The following TLR4 variants were observed in gnomAD, a reference collection of about 807,000 sequenced individuals.
TLR4 encodes the protein toll-like receptor 4.
Under a neutral mutation model 27.4 loss-of-function variants are expected in TLR4, and 17 were observed. That is an observed-to-expected ratio of 0.62 (90% CI 0.42 to 0.93). The LOEUF (loss-of-function observed/expected upper bound fraction) is 0.93. Ranked by LOEUF, TLR4 falls within the 40% of genes least tolerant of loss-of-function variation. The pLI, the probability that TLR4 is intolerant of heterozygous loss-of-function variation, is 0.00. For missense variants in TLR4, 926 were observed against 962.3 expected, an observed-to-expected ratio of 0.96 and a Z score of 0.50; for synonymous variants, 363 against 365.7, an observed-to-expected ratio of 0.99 and a Z score of 0.08.
At position 117,714,580 on chromosome 9, in the gene TLR4, G is replaced by A; in HGVS notation, c.2452G>A (p.Gly818Ser). ...WRRLRKALLD[G>S]KSWNPEGTVG... ...ACGACTCAGAAAAGCCCTGCTGGAT[G>A]GTAAATCATGGAATCCAGAAGGAAC... The change falls in exon 3 of 3, where the codon GGT becomes AGT. Residue 818 changes from glycine to serine, a missense_variant. Physicochemically the swap from Gly to Ser is moderately conservative, Grantham distance 56 (BLOSUM62 0). Transcript: ENST00000355622. The A allele has an allele frequency of 6.2e-7, 1 of 1,613,758 alleles. No homozygotes were observed. Among genetic ancestry groups the A allele is most frequent in the Non-Finnish European group, 8.5e-7 (1 of 1,179,974 alleles).
At position 117,723,031 on chromosome 9, in the gene TLR4, T is replaced by A. The variant is rs990664809; in HGVS notation, c.*8383T>A. 6.6e-6 allele frequency: 1 copy of A among 152,190 alleles called. No individual in the cohort carries two copies. The highest frequency in any genetic ancestry group is 1.5e-5 in the Non-Finnish European group (1 of 68,042). The allele number at this position is 152,190 out of a possible 1,614,324, so 9.4% of individuals were successfully genotyped here. A position where few individuals can be genotyped will look rare whatever the true frequency, so the allele number is the denominator to read the frequency against. ...ATTTTGAAGGTGTCACAAGAAAGAT[T>A]GGCAGTCAGAAAGGAATGAACCAAA... On this transcript the variant is annotated 3_prime_UTR_variant, in exon 3 of 3. Transcript: ENST00000355622.
rs1829358264 is a variant in TLR4, at chr9:117,716,915, C to A, written c.*2267C>A. 6.6e-6 allele frequency: 1 copy of A among 152,152 alleles called. No individual in the cohort carries two copies. Among genetic ancestry groups the A allele is most frequent in the Non-Finnish European group, 1.5e-5 (1 of 68,016 alleles). 9.4% of individuals were successfully genotyped at this position (152,152 alleles called of 1,614,324 possible). A position where few individuals can be genotyped will look rare whatever the true frequency, so the allele number is the denominator to read the frequency against. On this transcript the variant is annotated 3_prime_UTR_variant, in exon 3 of 3. Coordinates refer to ENST00000355622, the MANE Select transcript of TLR4 (RefSeq NM_138554.5). ...ATAAAAAAGAAAAGACAACAAAATTCAGTTGTCAAAACTGGAAATATGACC... is the reference window on the plus strand; with the variant it reads ...ATAAAAAAGAAAAGACAACAAAATTAAGTTGTCAAAACTGGAAATATGACC...
chr9:117,705,341 C>T (rs973613043), intron 1 of TLR4, among the ~76,000 whole-genome samples: 3 of 152,236 alleles, frequency 2.0e-5, no homozygotes, highest in Non-Finnish European at 2.9e-5. Flanking sequence ...GGGTCAGAAA[C>T]TCAAGAGAGA....
intron 2 of TLR4, 34 bp downstream of exon 2, chr9:117,708,763 G>A: frequency 6.2e-7 from 1 of 1,612,938 alleles, no homozygotes; most frequent in Non-Finnish European, 8.5e-7. Flanking sequence ...TGCACAAGGT[G>A]AGGTGTTCAT....
chr9:117,709,724 CA>C (rs1472703358), intron 2 of TLR4, among the ~76,000 whole-genome samples: 8 of 152,068 alleles, frequency 5.3e-5, no homozygotes, highest in African/African-American at 1.9e-4. Flanking sequence ...TTAGAGCAGA[CA>C]TTTCTGTAGA....
intron 2 of TLR4, 117 bp from the exon 3 acceptor site, chr9:117,712,272 C>A: frequency 1.9e-6 from 2 of 1,046,358 alleles, no homozygotes; most frequent in South Asian, 1.4e-5. Flanking sequence ...TTTGCCTATG[C>A]ACAATCATAT....
In TLR4 at chr9:117,724,606, G is replaced by C. The variant is rs894013162; in HGVS notation, c.*9958G>C. On this transcript the variant is annotated 3_prime_UTR_variant, in exon 3 of 3. Transcript: ENST00000355622. ...AAAGCTTTGGGAATCAGACAGATCT[G>C]TGTTCTGATCCTGTCTTATGGTATC... The C allele has an allele frequency of 3.3e-5, 5 of 152,108 alleles. No individual in the cohort carries two copies. The highest frequency in any genetic ancestry group is 4.8e-5 in the African/African-American group (2 of 41,404). 9.4% of individuals were successfully genotyped at this position (152,108 alleles called of 1,614,324 possible).
At position 117,714,793 on chromosome 9, in the gene TLR4, T is replaced by A; in HGVS notation, c.*145T>A. ...TGGTGCACTAGATATGCAGGGCTGC[T>A]AATCTCAAGGAGCTTCCAGTGCAGA... is the stretch of plus-strand genomic sequence containing the variant. On this transcript the variant is annotated 3_prime_UTR_variant, in exon 3 of 3. Transcript: ENST00000355622. The A allele has an allele frequency of 1.3e-6, 1 of 745,510 alleles. No homozygotes were observed. The allele number at this position is 745,510 out of a possible 1,614,324, so 46.2% of individuals were successfully genotyped here.
chr9:117,713,532 T>C lies in TLR4; in HGVS notation c.1404T>C (p.Asn468=), dbSNP rs1296079772. ...GAGTTGCTTTCAATGGCATCTTCAA[T>C]GGCTTGTCCAGTCTCGAAGTCTTGA... The part of the protein sequence containing the change: ...HTRVAFNGIF[N]GLSSLEVLKM... The change falls in exon 3 of 3, where the codon AAT becomes AAC. Residue 468 remains asparagine (N), a synonymous_variant. Transcript: ENST00000355622. 4.3e-6 allele frequency: 7 copies of C among 1,614,028 alleles called. No homozygotes were observed. In the Admixed American group the frequency reaches 1.0e-4, roughly 23 times the overall value.
In TLR4 at chr9:117,719,476, T is replaced by G. The variant is rs1456494176; in HGVS notation, c.*4828T>G. 1 of 152,190 alleles carries G rather than the reference T, an allele frequency of 6.6e-6. No homozygotes were observed. The highest frequency in any genetic ancestry group is 2.4e-5 in the African/African-American group (1 of 41,444). The allele number at this position is 152,190 out of a possible 1,614,324, so 9.4% of individuals were successfully genotyped here. On this transcript the variant is annotated 3_prime_UTR_variant, in exon 3 of 3. Transcript: ENST00000355622. ...TGCATAAAACTTCCTATCTCACCAT[T>G]ATAATTTTGACTGATATTAAACAAA... is the stretch of plus-strand genomic sequence containing the variant.
At position 117,724,497 on chromosome 9, in the gene TLR4, C is replaced by G. The variant is rs984585573; in HGVS notation, c.*9849C>G. On this transcript the variant is annotated 3_prime_UTR_variant, in exon 3 of 3. Transcript: ENST00000355622. ...CATTTTCTCCTTGCTCTCTTTCTTC[C>G]TTTCTTGTCTGTGAACTCCATTAAC... The G allele has an allele frequency of 2.0e-5, 3 of 152,122 alleles. No individual in the cohort carries two copies. The highest frequency in any genetic ancestry group is 7.2e-5 in the African/African-American group (3 of 41,408). The allele number at this position is 152,122 out of a possible 1,614,324, so 9.4% of individuals were successfully genotyped here.
In TLR4 at chr9:117,714,436, G is replaced by A. The variant is rs2131173424; in HGVS notation, c.2308G>A (p.Val770Ile). ...LSSRAGIIFIVLQKVEKTLLR... is the reference protein window; with the variant it reads ...LSSRAGIIFIILQKVEKTLLR... ...CAGTCGTGCTGGTATCATCTTCATTGTCCTGCAGAAGGTGGAGAAGACCCT... is the reference window on the plus strand; with the variant it reads ...CAGTCGTGCTGGTATCATCTTCATTATCCTGCAGAAGGTGGAGAAGACCCT... Residue 770 changes from valine (V) to isoleucine (I), a missense_variant, in exon 3 of 3, where the codon GTC (valine) becomes ATC (isoleucine). Coordinates refer to ENST00000355622, the MANE Select transcript of TLR4 (RefSeq NM_138554.5). 1.9e-6 allele frequency: 3 copies of A among 1,613,918 alleles called. No homozygotes were observed. The highest frequency in any genetic ancestry group is 1.1e-5 in the South Asian group (1 of 91,080).
chr9:117,714,371 T>A lies in TLR4; in HGVS notation c.2243T>A (p.Ile748Asn), dbSNP rs752356985. The change falls in exon 3 of 3, where the codon ATC becomes AAC. Residue 748 changes from isoleucine (I) to asparagine (N), a missense_variant. Coordinates refer to ENST00000355622, the MANE Select transcript of TLR4 (RefSeq NM_138554.5). ...CACTTCATCCAGAGCCGCTGGTGTA[T>A]CTTTGAATATGAGATTGCTCAGACC... Reference protein sequence around the residue: ...SQHFIQSRWCIFEYEIAQTWQ... With the variant: ...SQHFIQSRWCNFEYEIAQTWQ... 2 of 1,603,830 alleles carry A rather than the reference T, an allele frequency of 1.2e-6. No individual in the cohort carries two copies. Among genetic ancestry groups the A allele is most frequent in the South Asian group, 2.2e-5 (2 of 90,988 alleles).
At position 117,713,841 on chromosome 9, in the gene TLR4, A is replaced by G; in HGVS notation, c.1713A>G (p.Leu571=). The change falls in exon 3 of 3, where the codon CTA becomes CTG. Residue 571 remains leucine, a synonymous_variant. Transcript: ENST00000355622. The part of the protein sequence containing the change: ...KQELQHFPSS[L]AFLNLTQNDF... ...AACTACAGCATTTTCCAAGTAGTCT[A>G]GCTTTCTTAAATCTTACTCAGAATG... 1 of 1,614,060 alleles carries G rather than the reference A, an allele frequency of 6.2e-7. No homozygotes were observed. Among genetic ancestry groups the G allele is most frequent in the Admixed American group, 1.7e-5 (1 of 59,996 alleles).
At position 117,712,929 on chromosome 9, in the gene TLR4, A is replaced by C. The variant is rs148664588; in HGVS notation, c.801A>C (p.Gly267=). ...TTCTGGGAGAATTTAGAAATGAAGG[A>C]AACTTGGAAAAGTTTGACAAATCTG... is the stretch of plus-strand genomic sequence containing the variant. ...RLVLGEFRNE[G]NLEKFDKSAL... Residue 267 remains glycine, a synonymous_variant, in exon 3 of 3, where the codon GGA becomes GGC. Transcript: ENST00000355622. The C allele has an allele frequency of 1.1e-5, 18 of 1,614,016 alleles. No homozygotes were observed. In the African/African-American group the frequency reaches 2.1e-4, roughly 19 times the overall value.
intron 1 of TLR4, chr9:117,708,070 C>T (rs1829165567): frequency 8.7e-6 from 4 of 457,418 alleles, no homozygotes; most frequent in East Asian, 2.7e-4. Context: ...TGTATCCTTC[C>T]AATTTTAGTG....
chr9:117,710,299 T>C (rs886100234), intron 2 of TLR4, among the ~76,000 whole-genome samples: 4 of 151,366 alleles, frequency 2.6e-5, no homozygotes. Flanking sequence ...ATCCTACTTA[T>C]AAAGTGAGAA....
At chr9:117,711,734 T>G (rs2131168653) in intron 2 of TLR4, among the ~76,000 whole-genome samples, 1 of 152,336 alleles carries the variant, frequency 6.6e-6, no homozygotes, top group East Asian at 1.9e-4. Context: ...TACTTTGATT[T>G]TCTTGGTCCA....
In TLR4 at chr9:117,712,379, A is replaced by T. The variant is rs1254412632; in HGVS notation, c.261-10A>T. Reference sequence around the variant, plus strand: ...AATATTAGATAATCAATGTCTTTTTATTCCTGTAGGTGTGAAATCCAGACA... The same window carrying T: ...AATATTAGATAATCAATGTCTTTTTTTTCCTGTAGGTGTGAAATCCAGACA... On this transcript the variant is annotated splice_polypyrimidine_tract_variant and intron_variant, in intron 2 of 2. Coordinates refer to ENST00000355622, the MANE Select transcript of TLR4 (RefSeq NM_138554.5). 1 of 1,610,970 alleles carries T rather than the reference A, an allele frequency of 6.2e-7. No individual in the cohort carries two copies. Among genetic ancestry groups the T allele is most frequent in the East Asian group, 2.2e-5 (1 of 44,800 alleles).
Sources: allele counts gnomAD v4.1 joint callset (sites outside exome capture counted in the v4.1 genomes callset), GRCh38; gene constraint gnomAD v4.1.1; transcripts MANE v1.5; gene names NCBI Gene and HGNC (gene_info 2026-07-23, HGNC 2026-07-21).